The following ESRRB variants were observed in gnomAD, a reference collection of about 807,000 sequenced individuals.
ESRRB encodes steroid hormone receptor ERR2.
In ESRRB, 16 loss-of-function variants were observed where a neutral mutation model predicts 46.0. That is an observed-to-expected ratio of 0.35 (90% CI 0.24 to 0.53). ESRRB has a LOEUF of 0.53. Among genes scored for constraint, ESRRB ranks in the 20% least tolerant of loss-of-function variants. The pLI is 0.93. For synonymous variants in ESRRB, 246 were observed against 259.6 expected (o/e 0.95, Z 0.50); for missense variants, 488 against 607.4 (o/e 0.80, Z 2.07).
Position 76,395,848 on chromosome 14 carries a change from G to C in ESRRB, c.50+19397G>C, listed in dbSNP as rs938559853. 5.9e-5 allele frequency among the ~76,000 whole-genome samples: 7 copies of C among 118,496 alleles called. No individual in the cohort carries two copies. The Middle Eastern group carries it at 0.017, about 285-fold the overall frequency. The allele number at this position is 118,496 out of a possible 152,430, so 77.7% of individuals were successfully genotyped here. ...GATTATGATACTTGGTACTTGGGGT[G>C]GGGGGCGGGGTTGAGAAATGCTTTG... On this transcript the variant is annotated intron_variant, in intron 1 of 6. Transcript: ENST00000644823.
intron 1 of ESRRB, among the ~76,000 whole-genome samples, chr14:76,406,991 C>G (rs531301172): frequency 1.3e-5 from 2 of 152,298 alleles, no homozygotes; most frequent in South Asian, 4.1e-4. Flanking sequence ...ACAATAAATG[C>G]GTGGTTGTTG....
intron 1 of ESRRB, among the ~76,000 whole-genome samples, chr14:76,438,384 G>A (rs995190150): frequency 2.0e-5 from 3 of 152,220 alleles, no homozygotes; most frequent in African/African-American, 7.2e-5. Flanking sequence ...GCCATTGGCT[G>A]GGTGCAGTGG....
At chr14:76,328,213 A>T (rs1359618956) in intron 1 of ESRRB, among the ~76,000 whole-genome samples, 1 of 152,218 alleles carries the variant, frequency 6.6e-6, no homozygotes, top group Non-Finnish European at 1.5e-5. Context: ...CTCAGCAAGG[A>T]GGGTCCTCAC....
chr14:76,425,340 C>T (rs1342183807), intron 1 of ESRRB, among the ~76,000 whole-genome samples: 2 of 152,086 alleles, frequency 1.3e-5, no homozygotes, highest in African/African-American at 4.8e-5. Flanking sequence ...AAATATTTGC[C>T]TCCTGAACTA....
chr14:76,455,625 C>T (rs1005434531), intron 2 of ESRRB, among the ~76,000 whole-genome samples: 1 of 152,106 alleles, frequency 6.6e-6, no homozygotes, highest in African/African-American at 2.4e-5. Flanking sequence ...AGTTCATGGG[C>T]GTCCTTAAAA....
intron 1 of ESRRB, among the ~76,000 whole-genome samples, chr14:76,356,198 T>G (rs1397473266): frequency 6.6e-6 from 1 of 152,220 alleles, no homozygotes; most frequent in Non-Finnish European, 1.5e-5. Context: ...TTTTCTGGGT[T>G]CATGAGTGAT....
At chr14:76,332,623 ATATATATTATATATATT>A (rs1884033565) in intron 1 of ESRRB, among the ~76,000 whole-genome samples, 1 of 37,970 alleles carries the variant, frequency 2.6e-5, no homozygotes, top group Non-Finnish European at 4.2e-5. Flanking sequence ...TATTATATAA[ATATATATTATATATATT>A]TATATATTAT....
chr14:76,423,809 G>T (rs1887079265), intron 1 of ESRRB, among the ~76,000 whole-genome samples: 1 of 152,186 alleles, frequency 6.6e-6, no homozygotes, highest in South Asian at 2.1e-4. Context: ...TATACGGGGA[G>T]CAAAGACCCT....
chr14:76,402,059 C>T (rs1232566278), intron 1 of ESRRB, among the ~76,000 whole-genome samples: 1 of 152,168 alleles, frequency 6.6e-6, no homozygotes, highest in Non-Finnish European at 1.5e-5. Context: ...ATTTGAAGGC[C>T]ATTGGGCAGG....
intron 2 of ESRRB, among the ~76,000 whole-genome samples, chr14:76,462,023 A>ATCC (rs1326062451): frequency 1.3e-5 from 2 of 152,238 alleles, no homozygotes; most frequent in African/African-American, 4.8e-5. Context: ...AGGAAAGTAT[A>ATCC]TCCTCAAGGT....
intron 6 of ESRRB, among the ~76,000 whole-genome samples, chr14:76,494,711 A>G (rs1266462771): frequency 6.6e-6 from 1 of 152,134 alleles, no homozygotes; most frequent in Non-Finnish European, 1.5e-5. Flanking sequence ...TCACCTACAC[A>G]GAGGGGAGCA....
chr14:76,390,349 C>T (rs1294055152), intron 1 of ESRRB, among the ~76,000 whole-genome samples: 1 of 152,044 alleles, frequency 6.6e-6, no homozygotes, highest in Non-Finnish European at 1.5e-5. Flanking sequence ...ATCAGCCAGG[C>T]GTGGTGGTGG....
At chr14:76,341,835 G>A (rs1316018707) in intron 1 of ESRRB, among the ~76,000 whole-genome samples, 2 of 152,238 alleles carry the variant, frequency 1.3e-5, no homozygotes, top group Non-Finnish European at 2.9e-5. Context: ...ACCTGAGGAT[G>A]CATCTGGATA....
At chr14:76,314,585 TC>T (rs1176890025) in intron 1 of ESRRB, among the ~76,000 whole-genome samples, 1 of 152,122 alleles carries the variant, frequency 6.6e-6, no homozygotes, top group East Asian at 1.9e-4. Flanking sequence ...AGGACCCTTT[TC>T]CCACTGTGAT....
intron 1 of ESRRB, among the ~76,000 whole-genome samples, chr14:76,414,179 A>G (rs1395003405): frequency 2.2e-4 from 1 of 4,572 alleles, no homozygotes; most frequent in South Asian, 0.022. Flanking sequence ...CGCCCCTGCA[A>G]CGTCCCCCCG....
chr14:76,367,932 A>G (rs1194750349), upstream of ESRRB, among the ~76,000 whole-genome samples: 1 of 146,356 alleles, frequency 6.8e-6, no homozygotes, highest in African/African-American at 2.5e-5. Context: ...TCCTTTCCAC[A>G]ACACCCTTCC....
chr14:76,500,811 C>A lies in ESRRB; in HGVS notation c.*2353C>A, dbSNP rs1330142630. 7.0e-6 allele frequency: 10 copies of A among 1,438,166 alleles called. No individual in the cohort carries two copies. The highest frequency in any genetic ancestry group is 8.8e-6 in the Non-Finnish European group (9 of 1,019,788). The allele number at this position is 1,438,166 out of a possible 1,614,324, so 89.1% of individuals were successfully genotyped here. On this transcript the variant is annotated 3_prime_UTR_variant, in exon 7 of 7. Transcript: ENST00000644823. ...TGCTGCGAGTGACCTCACTTCAGAG[C>A]CCCTCTAGCAGAGTGGGGCGGAAGT...
chr14:76,382,172 T>G (rs776276599), intron 1 of ESRRB, among the ~76,000 whole-genome samples: 2 of 152,204 alleles, frequency 1.3e-5, no homozygotes, highest in Non-Finnish European at 2.9e-5. Flanking sequence ...TGTGTGAATG[T>G]GTTCCGGTGG....
At chr14:76,454,157 G>A (rs1888507215) in intron 2 of ESRRB, among the ~76,000 whole-genome samples, 1 of 152,162 alleles carries the variant, frequency 6.6e-6, no homozygotes, top group African/African-American at 2.4e-5. Context: ...GAAGGACCAG[G>A]AGGAGAAAGA....
Sources: gnomAD v4.1 joint callset for allele counts (sites outside exome capture counted in the v4.1 genomes callset) on GRCh38, gnomAD v4.1.1 for gene constraint, MANE v1.5 for transcripts, NCBI Gene and HGNC (gene_info 2026-07-23, HGNC 2026-07-21) for gene names.